Variants in QTMAN observed in about 807,000 individuals in gnomAD.
QTMAN encodes the protein queuosine-tRNA mannosyltransferase, also known as tRNA-queuosine alpha-mannosyltransferase.
At chr2:144,160,275 G>C in the QTMAN span, among the ~76,000 whole-genome samples, 1 of 151,924 alleles carries the variant, frequency 6.6e-6, no homozygotes, top group East Asian at 1.9e-4. Flanking sequence ...AAGGTGTCAG[G>C]GTCTGTACAA....
At chr2:144,128,714 G>C in the QTMAN span, among the ~76,000 whole-genome samples, 1 of 151,418 alleles carries the variant, frequency 6.6e-6, no homozygotes, top group Non-Finnish European at 1.5e-5. Context: ...ATTTGGATGG[G>C]AAGATTTCTA....
At chr2:144,067,314 A>G in the QTMAN span, among the ~76,000 whole-genome samples, 1 of 152,254 alleles carries the variant, frequency 6.6e-6, no homozygotes, top group Non-Finnish European at 1.5e-5. Flanking sequence ...TGGCTCTTAA[A>G]AATTAATATA....
chr2:144,193,022 A>G, the QTMAN span, among the ~76,000 whole-genome samples: 23 of 152,316 alleles, frequency 1.5e-4, no homozygotes, highest in African/African-American at 5.5e-4. Flanking sequence ...TATAAATGTG[A>G]AATAACTACT....
the QTMAN span, among the ~76,000 whole-genome samples, chr2:144,283,686 A>C: frequency 1.9e-3 from 290 of 152,260 alleles, 1 homozygote; most frequent in African/African-American, 6.5e-3. Flanking sequence ...AAATATAGTT[A>C]CTTGAAGTTT....
At chr2:143,938,073 T>C in the QTMAN span, 2 of 152,218 alleles carry the variant, frequency 1.3e-5, no homozygotes, top group African/African-American at 4.8e-5. Flanking sequence ...CACAATTTTG[T>C]TTTGCAGTTT....
the QTMAN span, among the ~76,000 whole-genome samples, chr2:144,074,847 T>C: frequency 6.6e-6 from 1 of 152,170 alleles, no homozygotes; most frequent in East Asian, 1.9e-4. Flanking sequence ...GAACCAGCCA[T>C]CATAAATGAT....
At chr2:144,185,008 C>T in the QTMAN span, among the ~76,000 whole-genome samples, 1 of 152,130 alleles carries the variant, frequency 6.6e-6, no homozygotes, top group Non-Finnish European at 1.5e-5. Context: ...CAAACTCTTA[C>T]CATCTTTCCT....
At chr2:144,115,232 AAACAAC>A in the QTMAN span, among the ~76,000 whole-genome samples, 65 of 151,128 alleles carry the variant, frequency 4.3e-4, no homozygotes, top group South Asian at 6.1e-3. Flanking sequence ...CCCTGTCTAA[AAACAAC>A]AACAACAACA....
At chr2:144,143,513 T>C in the QTMAN span, among the ~76,000 whole-genome samples, 1 of 151,842 alleles carries the variant, frequency 6.6e-6, no homozygotes, top group East Asian at 1.9e-4. Flanking sequence ...GCCTGCTACT[T>C]CCGTGCATCC....
chr2:144,271,377 T>C, the QTMAN span, among the ~76,000 whole-genome samples: 1 of 152,204 alleles, frequency 6.6e-6, no homozygotes, highest in African/African-American at 2.4e-5. Flanking sequence ...ATCTAAATAT[T>C]GAACAGCTTG....
At chr2:144,319,494 T>C in the QTMAN span, among the ~76,000 whole-genome samples, 1 of 152,060 alleles carries the variant, frequency 6.6e-6, no homozygotes, top group Non-Finnish European at 1.5e-5. Context: ...ATAATACACA[T>C]TCCCCAAGTA....
At chr2:144,139,343 G>A in the QTMAN span, among the ~76,000 whole-genome samples, 3,745 of 152,060 alleles carry the variant, frequency 0.025, 59 homozygotes, top group Non-Finnish European at 0.034. Context: ...ATGGGAGCGG[G>A]GCGGGTAACA....
At chr2:144,281,332 T>A in the QTMAN span, among the ~76,000 whole-genome samples, 1 of 133,672 alleles carries the variant, frequency 7.5e-6, no homozygotes, top group African/African-American at 2.9e-5. Context: ...TCATCAGAAT[T>A]AGAGAAATTC....
At chr2:144,134,330 C>T in the QTMAN span, among the ~76,000 whole-genome samples, 44 of 152,054 alleles carry the variant, frequency 2.9e-4, no homozygotes, top group African/African-American at 1.0e-3. Flanking sequence ...TAGGCAAAGT[C>T]CACAAACCTC....
At chr2:144,010,492 T>C in the QTMAN span, among the ~76,000 whole-genome samples, 8 of 152,076 alleles carry the variant, frequency 5.3e-5, no homozygotes, top group Admixed American at 1.3e-4. Flanking sequence ...GTAGGGCACA[T>C]AGAAAACACC....
At chr2:144,247,389 T>C in the QTMAN span, among the ~76,000 whole-genome samples, 7 of 152,174 alleles carry the variant, frequency 4.6e-5, no homozygotes, top group Non-Finnish European at 1.0e-4. Flanking sequence ...AAGCAAACTT[T>C]TCATCAGAAT....
At chr2:144,059,008 T>C in the QTMAN span, among the ~76,000 whole-genome samples, 1 of 152,222 alleles carries the variant, frequency 6.6e-6, no homozygotes, top group African/African-American at 2.4e-5. Flanking sequence ...AAAGCTGGTA[T>C]TGTTTCTACT....
At chr2:144,151,875 T>C in the QTMAN span, among the ~76,000 whole-genome samples, 11 of 152,340 alleles carry the variant, frequency 7.2e-5, no homozygotes, top group South Asian at 1.0e-3. Flanking sequence ...TTAATCTTAA[T>C]TGGACCATTT....
chr2:143,990,121 AG>A, the QTMAN span, among the ~76,000 whole-genome samples: 2 of 152,044 alleles, frequency 1.3e-5, no homozygotes, highest in African/African-American at 4.8e-5. Flanking sequence ...CTTATCTGCT[AG>A]ATTACGGTAA....
Sources: gnomAD v4.1 joint callset for allele counts (sites outside exome capture counted in the v4.1 genomes callset) on GRCh38, gnomAD v4.1.1 for gene constraint, MANE v1.5 for transcripts, NCBI Gene and HGNC (gene_info 2026-07-23, HGNC 2026-07-21) for gene names.